Variants in R3HCC1L observed in about 807,000 individuals in gnomAD.
R3HCC1L encodes R3H domain and coiled-coil containing 1 like, also known as coiled-coil domain-containing protein R3HCC1L.
In R3HCC1L, 51 loss-of-function variants were observed where a neutral mutation model predicts 59.9. The ratio of observed to expected loss-of-function variants is 0.85; its 90% CI spans 0.68 to 1.07. R3HCC1L has a LOEUF of 1.07. R3HCC1L is among the 50% of genes least tolerant of loss of function. R3HCC1L has a pLI of 0.00. For missense variants in R3HCC1L, 965 were observed against 933.0 expected, an observed-to-expected ratio of 1.03 and a Z score of -0.45; for synonymous variants, 322 against 315.2, an observed-to-expected ratio of 1.02 and a Z score of -0.23.
intron 4 of R3HCC1L, among the ~76,000 whole-genome samples, chr10:98,196,704 G>A (rs1851471393): frequency 3.3e-5 from 5 of 152,030 alleles, no homozygotes; most frequent in South Asian, 4.1e-4. Context: ...CACCCTAGAC[G>A]TGCTGCAATA....
Position 98,208,429 on chromosome 10 carries a change from T to C in R3HCC1L, c.315T>C (p.Cys105=), listed in dbSNP as rs1448174227. The change falls in exon 5 of 10, where the codon TGT becomes TGC. Residue 105 remains cysteine, a synonymous_variant. Transcript: ENST00000298999. ...DTCLQKTNRV[C]SKRGTTESKE... The stretch of plus-strand genomic sequence containing the variant: ...GCCTTCAAAAAACAAATAGAGTTTG[T>C]TCTAAGAGAGGAACCACTGAATCCA... The C allele has an allele frequency of 6.2e-7, 1 of 1,614,086 alleles. No individual in the cohort carries two copies. The highest frequency in any genetic ancestry group is 1.7e-5 in the Admixed American group (1 of 59,992).
intron 1 of R3HCC1L, among the ~76,000 whole-genome samples, chr10:98,144,564 CTG>C (rs1364839159): frequency 6.6e-6 from 1 of 152,146 alleles, no homozygotes; most frequent in Non-Finnish European, 1.5e-5. Flanking sequence ...ACCTAGGAGA[CTG>C]GGGTTCAAAT....
At chr10:98,169,903 T>TTC (rs776562723) in intron 4 of R3HCC1L, among the ~76,000 whole-genome samples, 4 of 145,598 alleles carry the variant, frequency 2.7e-5, no homozygotes, top group Admixed American at 6.9e-5. Context: ...TTTTTTTTTT[T>TTC]GGAGTGAGTG....
chr10:98,193,974 A>G (rs1011362042), intron 4 of R3HCC1L, among the ~76,000 whole-genome samples: 21 of 152,302 alleles, frequency 1.4e-4, no homozygotes, highest in African/African-American at 5.0e-4. Flanking sequence ...GCAGAAACAG[A>G]TAAAACCATC....
intron 4 of R3HCC1L, among the ~76,000 whole-genome samples, chr10:98,175,780 A>C (rs1848951232): frequency 6.6e-6 from 1 of 152,130 alleles, no homozygotes; most frequent in African/African-American, 2.4e-5. Flanking sequence ...AATTTTGATA[A>C]AGTCGAGTTT....
Position 98,209,085 on chromosome 10 carries a change from C to T in R3HCC1L, c.971C>T (p.Thr324Ile), listed in dbSNP as rs1164091467. 1.2e-6 allele frequency: 2 copies of T among 1,613,994 alleles called. No individual in the cohort carries two copies. Among genetic ancestry groups the T allele is most frequent in the Admixed American group, 1.7e-5 (1 of 60,006 alleles). ...TCTCTGTCAGAGAGCACAAATGACA[C>T]TGTTAGTCCAGTAATGATTAGAGAA... ...HISLSESTNDTVSPVMIRECE... is the reference protein window; with the variant it reads ...HISLSESTNDIVSPVMIRECE... Residue 324 changes from threonine (T) to isoleucine (I), a missense_variant, in exon 5 of 10, where the codon ACT becomes ATT. Coordinates refer to ENST00000298999, the MANE Select transcript of R3HCC1L (RefSeq NM_001351015.2).
intron 5 of R3HCC1L, among the ~76,000 whole-genome samples, chr10:98,216,426 A>T (rs531756936): frequency 3.3e-5 from 5 of 152,190 alleles, no homozygotes; most frequent in Non-Finnish European, 5.9e-5. Context: ...AGGTGGAAGG[A>T]TCGCTTGAGC....
intron 5 of R3HCC1L, among the ~76,000 whole-genome samples, chr10:98,216,766 G>A (rs1454744076): frequency 6.6e-6 from 1 of 152,064 alleles, no homozygotes; most frequent in Non-Finnish European, 1.5e-5. Flanking sequence ...TTTTTGTAGA[G>A]GAGGACTCTT....
At position 98,180,286 on chromosome 10, in the gene R3HCC1L, C is replaced by T. The variant is rs144177286; in HGVS notation, c.-15+16889C>T. ...TGTTCCCATTGGTTTCAAAGAACAT[C>T]GTTATTTCTGCCTTAATTTCATTAT... On this transcript the variant is annotated intron_variant, in intron 4 of 9. Coordinates refer to ENST00000298999, the MANE Select transcript of R3HCC1L (RefSeq NM_001351015.2). Among the ~76,000 whole-genome samples, 4 of 152,220 alleles carry T rather than the reference C, an allele frequency of 2.6e-5. No individual in the cohort carries two copies. The East Asian group carries it at 5.8e-4, about 22-fold the overall frequency.
chr10:98,176,579 C>T (rs1849042931), intron 4 of R3HCC1L, among the ~76,000 whole-genome samples: 1 of 152,072 alleles, frequency 6.6e-6, no homozygotes, highest in South Asian at 2.1e-4. Flanking sequence ...CCTTGCTAAA[C>T]TTACTTAGTT....
chr10:98,215,909 T>G (rs1182846591), intron 5 of R3HCC1L, among the ~76,000 whole-genome samples: 3 of 151,832 alleles, frequency 2.0e-5, no homozygotes, highest in African/African-American at 7.3e-5. Flanking sequence ...CAAATTGGAG[T>G]AAATTGGGAA....
intron 9 of R3HCC1L, among the ~76,000 whole-genome samples, chr10:98,240,726 C>T (rs1361067317): frequency 6.6e-6 from 1 of 151,644 alleles, no homozygotes; most frequent in East Asian, 1.9e-4. Flanking sequence ...ATTGCTGATT[C>T]ATAATCTAGG....
At chr10:98,196,376 C>A (rs952135259) in intron 4 of R3HCC1L, among the ~76,000 whole-genome samples, 1 of 152,100 alleles carries the variant, frequency 6.6e-6, no homozygotes, top group African/African-American at 2.4e-5. Flanking sequence ...CCCCATCTTG[C>A]TAAATCCAGT....
rs370277324 is a variant in R3HCC1L at position 98,228,005 on chromosome 10, G to A, written c.1786-3507G>A. On this transcript the variant is annotated intron_variant, in intron 5 of 9. Coordinates refer to ENST00000298999, the MANE Select transcript of R3HCC1L (RefSeq NM_001351015.2). ...ATTATTGGACATTTGGGTTGGTTCC[G>A]AGTCTTTCCTATTGTGAAAAGAGCC... is the stretch of plus-strand genomic sequence containing the variant. Among the ~76,000 whole-genome samples the A allele has an allele frequency of 1.2e-3, 184 of 152,110 alleles. 1 individual carries two copies. The highest frequency in any genetic ancestry group is 6.8e-3 in the Middle Eastern group (2 of 294).
At position 98,174,447 on chromosome 10, in the gene R3HCC1L, A is replaced by G. The variant is rs1848800317; in HGVS notation, c.-15+11050A>G. The G allele has an allele frequency of 1.3e-5, 8 of 612,660 alleles. No homozygotes were observed. The South Asian group carries it at 2.2e-4, about 17-fold the overall frequency. 38.0% of individuals were successfully genotyped at this position (612,660 alleles called of 1,614,324 possible). ...TTCTGTGAATATTTATTGTATTCCC[A>G]GGGATAAAAGCAGCATATGAAAGAT... On this transcript the variant is annotated intron_variant, in intron 4 of 9. Coordinates refer to ENST00000298999, the MANE Select transcript of R3HCC1L (RefSeq NM_001351015.2).
intron 9 of R3HCC1L, among the ~76,000 whole-genome samples, chr10:98,239,922 T>C (rs1453868606): frequency 2.0e-5 from 3 of 152,122 alleles, no homozygotes; most frequent in African/African-American, 7.2e-5. Context: ...TCTCAAACTC[T>C]TGGACTCAAG....
At chr10:98,187,587 G>A (rs191216194) in intron 4 of R3HCC1L, among the ~76,000 whole-genome samples, 4 of 151,990 alleles carry the variant, frequency 2.6e-5, no homozygotes, top group South Asian at 2.1e-4. Context: ...GTCTGGCTCC[G>A]GTTTAATTTT....
intron 4 of R3HCC1L, among the ~76,000 whole-genome samples, chr10:98,190,522 C>T (rs1850711258): frequency 6.6e-6 from 1 of 151,962 alleles, no homozygotes. Context: ...AACTTTTATT[C>T]AAGTGAAATC....
chr10:98,206,348 CA>C (rs1228947018), intron 4 of R3HCC1L, among the ~76,000 whole-genome samples: 2 of 150,018 alleles, frequency 1.3e-5, no homozygotes, highest in African/African-American at 4.9e-5. Flanking sequence ...AAAAAACCTC[CA>C]AAAGAGATCC....
Sources: gnomAD v4.1 joint callset for allele counts (sites outside exome capture counted in the v4.1 genomes callset) on GRCh38, gnomAD v4.1.1 for gene constraint, MANE v1.5 for transcripts, NCBI Gene and HGNC (gene_info 2026-07-23, HGNC 2026-07-21) for gene names.